The following PROZ variants were observed in gnomAD, a reference collection of about 807,000 sequenced individuals.
PROZ encodes the protein vitamin K-dependent protein Z.
A neutral mutation model predicts 34.9 loss-of-function variants in PROZ; 46 were observed. The observed-to-expected ratio is 1.32, with a 90% CI of 1.04 to 1.69. The LOEUF (loss-of-function observed/expected upper bound fraction) is 1.69. Among genes scored for constraint, PROZ ranks in the 40% most tolerant of loss-of-function variants. The pLI is 0.00. For synonymous variants in PROZ, 195 were observed against 208.5 expected (o/e 0.94, Z 0.56); for missense variants, 530 against 520.4 (o/e 1.02, Z -0.18).
At chr13:113,170,719 C>T (rs971036987) in intron 7 of PROZ, among the ~76,000 whole-genome samples, 189 bp downstream of exon 7, 7 of 151,948 alleles carry the variant, frequency 4.6e-5, no homozygotes, top group South Asian at 2.1e-4. Flanking sequence ...CTGGGCCCAG[C>T]GACAGGCAAG....
rs2036737036 is a variant in PROZ, at chr13:113,160,180, A to G, written c.234+3A>G. 6.2e-7 allele frequency: 1 copy of G among 1,613,990 alleles called. No individual in the cohort carries two copies. The highest frequency in any genetic ancestry group is 8.5e-7 in the Non-Finnish European group (1 of 1,179,944). On this transcript the variant is annotated splice_donor_region_variant and intron_variant, in intron 2 of 7. Coordinates refer to ENST00000375547, the MANE Select transcript of PROZ (RefSeq NM_003891.3). ...TGTTTGAAAATGAAGTAGTCACTGT[A>G]TGTACCCCCACCACAAACCACAGGC...
At chr13:113,164,909 A>C (rs1172958931) in intron 5 of PROZ, 144 bp from the exon 6 acceptor site, 1 of 965,594 alleles carries the variant, frequency 1.0e-6, no homozygotes, top group Non-Finnish European at 1.6e-6. Context: ...TCTGTGAATT[A>C]CTGCACATTC....
chr13:113,164,844 C>T (rs3024782), intron 5 of PROZ, among the ~76,000 whole-genome samples, 200 bp downstream of exon 5: 2,019 of 152,368 alleles, frequency 0.013, 27 homozygotes, highest in Non-Finnish European at 0.02. Context: ...TTGCTCGGAC[C>T]ACTCTGAGCT....
chr13:113,160,876 A>T, intron 2 of PROZ, 72 bp from the exon 3 acceptor site: 1 of 1,325,500 alleles, frequency 7.5e-7, no homozygotes. Context: ...CTTACCTTCA[A>T]GTTCATCTAC....
At position 113,159,838 on chromosome 13, in the gene PROZ, G is replaced by T. The variant is rs367834445; in HGVS notation, c.71-176G>T. On this transcript the variant is annotated intron_variant, in intron 1 of 7. Coordinates refer to ENST00000375547, the MANE Select transcript of PROZ (RefSeq NM_003891.3). The surrounding 1 kb of genome is among the most constrained non-coding windows in gnomAD (Gnocchi z 4.6). ...CTGATCCATTCGCCCAGAGGATGAA[G>T]TGCTTGCCTACCTCGGGGGAGGGAG... is the stretch of plus-strand genomic sequence containing the variant. 2.6e-5 allele frequency among the ~76,000 whole-genome samples: 4 copies of T among 152,234 alleles called. No individual in the cohort carries two copies. Among genetic ancestry groups the T allele is most frequent in the Non-Finnish European group, 5.9e-5 (4 of 68,048 alleles).
In PROZ at chr13:113,164,615, G is replaced by T; in HGVS notation, c.476G>T (p.Gly159Val). ...TCSCAQGYRL[G>V]EDHKQCVPHD... is the part of the protein sequence containing the mutation. ...AGCTGTGCTCAGGGCTACAGGCTTG[G>T]TGAGGACCACAAACAGTGTGTGCCC... The change falls in exon 5 of 8, where the codon GGT becomes GTT. Residue 159 changes from glycine to valine, a missense_variant. Physicochemically the swap from Gly to Val is moderately radical, Grantham distance 109. Coordinates refer to ENST00000375547, the MANE Select transcript of PROZ (RefSeq NM_003891.3). The T allele has an allele frequency of 1.2e-6, 2 of 1,613,860 alleles. No individual in the cohort carries two copies. The highest frequency in any genetic ancestry group is 1.7e-6 in the Non-Finnish European group (2 of 1,179,998).
Position 113,163,000 on chromosome 13 carries a change from C to T in PROZ, c.260-9C>T. Reference sequence around the variant, plus strand: ...CACCACCACCCCAACCCCCATCCTCCTCCTGCAGGCGGCTCCCCGTGCATC... The same window carrying T: ...CACCACCACCCCAACCCCCATCCTCTTCCTGCAGGCGGCTCCCCGTGCATC... On this transcript the variant is annotated splice_polypyrimidine_tract_variant and intron_variant, in intron 3 of 7. Transcript: ENST00000375547. 2 of 1,541,638 alleles carry T rather than the reference C, an allele frequency of 1.3e-6. No homozygotes were observed. The highest frequency in any genetic ancestry group is 1.8e-6 in the Non-Finnish European group (2 of 1,138,090).
chr13:113,171,605 A>G lies in PROZ; in HGVS notation c.703A>G (p.Thr235Ala). 1 of 1,614,128 alleles carries G rather than the reference A, an allele frequency of 6.2e-7. No homozygotes were observed. The highest frequency in any genetic ancestry group is 1.1e-5 in the South Asian group (1 of 91,080). ...GTTCATGATTTCAGATTTTAACAGA[A>G]CGAGCCAAGACCCGCTGATGATCAA... Reference protein sequence around the residue: ...NITVKTYFNRTSQDPLMIKIT... With the variant: ...NITVKTYFNRASQDPLMIKIT... The change falls in exon 8 of 8, where the codon ACG (threonine) becomes GCG (alanine). Residue 235 changes from threonine (T) to alanine (A), a missense_variant. Coordinates refer to ENST00000375547, the MANE Select transcript of PROZ (RefSeq NM_003891.3). This position sits in a 1 kb window ranked among gnomAD's most constrained non-coding sequence, Gnocchi z 5.1.
chr13:113,165,096 G>A lies in PROZ; in HGVS notation c.549G>A (p.Pro183=), dbSNP rs757353205. 11 of 1,612,192 alleles carry A rather than the reference G, an allele frequency of 6.8e-6. No individual in the cohort carries two copies. The East Asian group carries it at 1.6e-4, about 23-fold the overall frequency. The stretch of plus-strand genomic sequence containing the variant: ...TGCTGACCTCTGAGAAGCGTGCACC[G>A]GATCTACAGGACCTCCCGTGGCAGG... ...CGVLTSEKRA[P]DLQDLPWQVK... The change falls in exon 6 of 8, where the codon CCG becomes CCA. Residue 183 remains proline, a synonymous_variant. Coordinates refer to ENST00000375547, the MANE Select transcript of PROZ (RefSeq NM_003891.3).
rs1595104814 is a variant in PROZ at position 113,158,926 on chromosome 13, G to A, written c.70+196G>A. Among the ~76,000 whole-genome samples the A allele has an allele frequency of 2.0e-5, 3 of 152,038 alleles. No homozygotes were observed. Among genetic ancestry groups the A allele is most frequent in the Middle Eastern group, 3.4e-3 (1 of 294 alleles). On this transcript the variant is annotated intron_variant, in intron 1 of 7. Transcript: ENST00000375547. The surrounding 1 kb of genome is among the most constrained non-coding windows in gnomAD (Gnocchi z 4.3). The stretch of plus-strand genomic sequence containing the variant: ...TATTTGGGACATGATAGTGTCACTT[G>A]GGGTCCTCCCAAGAGATGCCCAAAT...
At position 113,159,290 on chromosome 13, in the gene PROZ, G is replaced by A. The variant is rs757345687; in HGVS notation, c.70+560G>A. Reference sequence around the variant, plus strand: ...GCAAGTCAAAACACCCAGCATCCCCGCTGGCCCCATGGTCTCCCGCTGGCC... The same window carrying A: ...GCAAGTCAAAACACCCAGCATCCCCACTGGCCCCATGGTCTCCCGCTGGCC... On this transcript the variant is annotated intron_variant, in intron 1 of 7. Coordinates refer to ENST00000375547, the MANE Select transcript of PROZ (RefSeq NM_003891.3). The surrounding 1 kb of genome is among the most constrained non-coding windows in gnomAD (Gnocchi z 4.6). 10 of 1,528,860 alleles carry A rather than the reference G, an allele frequency of 6.5e-6. No homozygotes were observed. The African/African-American group carries it at 6.9e-5, about 11-fold the overall frequency. 94.7% of individuals were successfully genotyped at this position (1,528,860 alleles called of 1,614,324 possible).
chr13:113,162,965 C>T, intron 3 of PROZ, 44 bp from the exon 4 acceptor site: 1 of 1,342,460 alleles, frequency 7.4e-7, no homozygotes, highest in Non-Finnish European at 1.0e-6. Context: ...GCTCAGGTCC[C>T]CGTTCCTGTC....
chr13:113,170,500 C>T lies in PROZ; in HGVS notation c.661C>T (p.Leu221=). The T allele has an allele frequency of 6.3e-7, 1 of 1,596,786 alleles. No individual in the cohort carries two copies. The highest frequency in any genetic ancestry group is 1.7e-4 in the Middle Eastern group (1 of 5,970). The change falls in exon 7 of 8, where the codon CTG becomes TTG. Residue 221 remains leucine, a synonymous_variant. Coordinates refer to ENST00000375547, the MANE Select transcript of PROZ (RefSeq NM_003891.3). ...NFVLTTAKCS[L]LHRNITVKTY... is the part of the protein sequence containing the mutation. ...TGTACTGACAACAGCAAAATGTTCA[C>T]TGTTACACAGGAATATTACTGTAAA... is the stretch of plus-strand genomic sequence containing the variant.
rs2036728881 is a variant in PROZ, at chr13:113,159,788, T to C, written c.71-226T>C. Among the ~76,000 whole-genome samples the C allele has an allele frequency of 1.3e-5, 2 of 152,180 alleles. No homozygotes were observed. Among genetic ancestry groups the C allele is most frequent in the South Asian group, 2.1e-4 (1 of 4,826 alleles). On this transcript the variant is annotated intron_variant, in intron 1 of 7. Coordinates refer to ENST00000375547, the MANE Select transcript of PROZ (RefSeq NM_003891.3). The surrounding 1 kb of genome is among the most constrained non-coding windows in gnomAD (Gnocchi z 4.6). Reference sequence around the variant, plus strand: ...GGCCCGTGGCCTCTCTGCAGAACCTTAGTGTATCCGCACTGATCCTGGGGC... The same window carrying C: ...GGCCCGTGGCCTCTCTGCAGAACCTCAGTGTATCCGCACTGATCCTGGGGC...
intron 3 of PROZ, 35 bp from the exon 4 acceptor site, chr13:113,162,974 T>C (rs1416414358): frequency 2.4e-5 from 33 of 1,393,508 alleles, no homozygotes; most frequent in Admixed American, 4.1e-5. Context: ...CCCGTTCCTG[T>C]CACCACCACC....
chr13:113,170,412 G>T lies in PROZ; in HGVS notation c.574-1G>T. ...TTTATTGTCTGTTTTGATTTTTAAA[G>T]GTAAAGTTAACAAATTCCGAAGGAA... On this transcript the variant is annotated splice_acceptor_variant, in intron 6 of 7. Transcript: ENST00000375547. LOFTEE classifies it high-confidence loss of function. The T allele has an allele frequency of 6.4e-7, 1 of 1,560,004 alleles. No individual in the cohort carries two copies. Among genetic ancestry groups the T allele is most frequent in the Non-Finnish European group, 8.8e-7 (1 of 1,130,828 alleles).
rs1236507917 is a variant in PROZ, at chr13:113,159,024, G to A, written c.70+294G>A. Among the ~76,000 whole-genome samples the A allele has an allele frequency of 2.0e-5, 3 of 150,282 alleles. No homozygotes were observed. Among genetic ancestry groups the A allele is most frequent in the South Asian group, 2.1e-4 (1 of 4,696 alleles). ...AGGGGAGGGGGAAAGGGGGAGGAGTGGGGGGAGGCCTGGGTTGGGCATTGG... is the reference window on the plus strand; with the variant it reads ...AGGGGAGGGGGAAAGGGGGAGGAGTAGGGGGAGGCCTGGGTTGGGCATTGG... On this transcript the variant is annotated intron_variant, in intron 1 of 7. Coordinates refer to ENST00000375547, the MANE Select transcript of PROZ (RefSeq NM_003891.3). The surrounding 1 kb of genome is among the most constrained non-coding windows in gnomAD (Gnocchi z 4.6).
chr13:113,170,302 G>A, intron 6 of PROZ, 111 bp from the exon 7 acceptor site: 1 of 665,986 alleles, frequency 1.5e-6, no homozygotes, highest in Admixed American at 2.2e-5. Context: ...CCTTTGGCGG[G>A]GGGTGGGGGT....
At chr13:113,163,250 G>T (rs2036800312) in intron 4 of PROZ, 128 bp downstream of exon 4, 1 of 802,320 alleles carries the variant, frequency 1.2e-6, no homozygotes, top group Non-Finnish European at 2.1e-6. Flanking sequence ...ACCGCGATTT[G>T]GCTCACCCCA....
Sources: gnomAD v4.1 joint callset for allele counts (sites outside exome capture counted in the v4.1 genomes callset) on GRCh38, gnomAD v4.1.1 for gene constraint, Gnocchi (gnomAD v3.1) non-coding constraint, MANE v1.5 for transcripts, NCBI Gene and HGNC (gene_info 2026-07-23, HGNC 2026-07-21) for gene names.